The following MAST4 variants were observed in gnomAD, a reference collection of about 807,000 sequenced individuals.
The protein encoded by MAST4 is microtubule associated serine/threonine kinase family member 4.
MAST4 carries 89 observed loss-of-function variants against 162.7 expected under a neutral mutation model. The ratio of observed to expected loss-of-function variants is 0.55; its 90% confidence interval spans 0.46 to 0.65. The LOEUF (loss-of-function observed/expected upper bound fraction) is 0.65. Among genes scored for constraint, MAST4 ranks in the 30% least tolerant of loss-of-function variants. MAST4 has a pLI of 0.00. For missense variants in MAST4, 3,153 were observed against 3,374.0 expected (o/e 0.93, Z 1.62); for synonymous variants, 1,479 against 1,361.1 (o/e 1.09, Z -1.91).
At chr5:66,788,618 G>T in intron 2 of MAST4, 52 bp from the exon 3 acceptor site, 1 of 428,696 alleles carries the variant, frequency 2.3e-6, no homozygotes, top group Non-Finnish European at 4.3e-6. Flanking sequence ...ATTGCAATAA[G>T]ACTACTACCG....
At chr5:67,023,472 T>C (rs1754240401) in intron 4 of MAST4, among the ~76,000 whole-genome samples, 1 of 152,152 alleles carries the variant, frequency 6.6e-6, no homozygotes, top group African/African-American at 2.4e-5. Context: ...TGAACAATGA[T>C]GTCAGTGTTT....
intron 4 of MAST4, among the ~76,000 whole-genome samples, chr5:66,928,473 A>T (rs765916758): frequency 6.6e-6 from 1 of 152,348 alleles, no homozygotes; most frequent in East Asian, 1.9e-4. Context: ...TTTCACGCTC[A>T]ATCCGGGCTT....
intron 11 of MAST4, among the ~76,000 whole-genome samples, chr5:67,111,496 AAC>A (rs1230728712): frequency 6.6e-6 from 1 of 151,994 alleles, no homozygotes; most frequent in Non-Finnish European, 1.5e-5. Flanking sequence ...CATAGAATCA[AAC>A]ACACCATTTG....
At chr5:66,727,336 A>G (rs1751586707) in intron 1 of MAST4, among the ~76,000 whole-genome samples, 1 of 152,068 alleles carries the variant, frequency 6.6e-6, no homozygotes, top group Non-Finnish European at 1.5e-5. Context: ...ATGCTATTCT[A>G]TTTCAGTTTC....
intron 18 of MAST4, among the ~76,000 whole-genome samples, chr5:67,135,557 C>A (rs1466034889): frequency 2.0e-5 from 3 of 152,236 alleles, no homozygotes; most frequent in African/African-American, 7.2e-5. Context: ...GCATTCTTTT[C>A]TATCTTTGAT....
At chr5:67,054,566 T>A in intron 5 of MAST4, 74 bp downstream of exon 5, 1 of 1,300,922 alleles carries the variant, frequency 7.7e-7, no homozygotes, top group Non-Finnish European at 1.1e-6. Context: ...TAATGCATTT[T>A]GATATTTGGT....
intron 1 of MAST4, among the ~76,000 whole-genome samples, chr5:66,678,498 CA>C (rs1276411666): frequency 2.0e-5 from 3 of 148,656 alleles, no homozygotes; most frequent in African/African-American, 7.4e-5. Context: ...ATATCAACTA[CA>C]TTTTTTTTTT....
At chr5:66,790,877 A>AT (rs370926586) in intron 3 of MAST4, among the ~76,000 whole-genome samples, 1,567 of 130,570 alleles carry the variant, frequency 0.012, 31 homozygotes, top group African/African-American at 0.04. Context: ...ACAATTCATG[A>AT]TTTTTTTTTG....
intron 1 of MAST4, among the ~76,000 whole-genome samples, chr5:66,671,630 G>A (rs892122495): frequency 1.3e-4 from 20 of 152,096 alleles, no homozygotes; most frequent in Non-Finnish European, 2.6e-4. Context: ...GCCTTAATGT[G>A]GGAATATGGT....
chr5:67,138,435 G>A (rs1769945106), intron 19 of MAST4, among the ~76,000 whole-genome samples: 1 of 151,768 alleles, frequency 6.6e-6, no homozygotes, highest in Admixed American at 6.6e-5. Context: ...GGGTGGGGTG[G>A]TTTGTTTGTT....
At chr5:66,850,190 C>T (rs994661302) in intron 3 of MAST4, among the ~76,000 whole-genome samples, 2 of 152,050 alleles carry the variant, frequency 1.3e-5, no homozygotes, top group African/African-American at 4.8e-5. Flanking sequence ...AGCTGAAGCC[C>T]GAGGTGCTTT....
intron 1 of MAST4, among the ~76,000 whole-genome samples, chr5:66,682,231 T>A (rs1748378105): frequency 6.6e-6 from 1 of 152,034 alleles, no homozygotes; most frequent in Non-Finnish European, 1.5e-5. Flanking sequence ...TGGATTAGAG[T>A]CCACACCTGG....
chr5:67,164,844 G>A lies in MAST4; in HGVS notation c.5665G>A (p.Val1889Ile). 6.2e-7 allele frequency: 1 copy of A among 1,613,994 alleles called. No homozygotes were observed. Among genetic ancestry groups the A allele is most frequent in the Non-Finnish European group, 8.5e-7 (1 of 1,179,882 alleles). Residue 1889 changes from valine (V) to isoleucine (I), a missense_variant, in exon 29 of 29, where the codon GTT becomes ATT. By Grantham distance (29) the Val-to-Ile change is conservative. Around this residue, in one of 7 missense-constraint regions of MAST4, gnomAD observed 1,644 missense variants for 1,495.0 expected, o/e 1.10. Coordinates refer to ENST00000403625, the MANE Select transcript of MAST4 (RefSeq NM_001164664.2). The surrounding 1 kb of genome is among the most constrained non-coding windows in gnomAD (Gnocchi z 5.3). The part of the protein sequence containing the change: ...PSRGLQNSPA[V>I]SLPDPEFKRD... Reference sequence around the variant, plus strand: ...CCGAGGTCTCCAGAATTCACCAGCAGTTTCCCTGCCTGACCCAGAGTTCAA... The same window carrying A: ...CCGAGGTCTCCAGAATTCACCAGCAATTTCCCTGCCTGACCCAGAGTTCAA...
intron 3 of MAST4, among the ~76,000 whole-genome samples, chr5:66,845,126 T>TATATATAC (rs1358855625): frequency 0.014 from 915 of 66,846 alleles, 14 homozygotes; most frequent in Non-Finnish European, 0.018. Context: ...TATATATATA[T>TATATATAC]ACACACACAC....
chr5:67,157,352 G>A lies in MAST4; in HGVS notation c.3649-3104G>A, dbSNP rs573708926. On this transcript the variant is annotated intron_variant, in intron 26 of 28. Coordinates refer to ENST00000403625, the MANE Select transcript of MAST4 (RefSeq NM_001164664.2). The stretch of plus-strand genomic sequence containing the variant: ...TTTTCCTCTGGAACAGCCACTTGTG[G>A]AGACAAGAAACAGAACTGGGCTTGG... Among the ~76,000 whole-genome samples the A allele has an allele frequency of 2.0e-5, 3 of 152,332 alleles. No homozygotes were observed. In the East Asian group the frequency reaches 5.8e-4, roughly 29 times the overall value.
chr5:66,841,639 G>A (rs1758435252), intron 3 of MAST4, among the ~76,000 whole-genome samples: 1 of 151,950 alleles, frequency 6.6e-6, no homozygotes, highest in South Asian at 2.1e-4. Flanking sequence ...CCATCATGAG[G>A]GCCCCACCTT....
intron 3 of MAST4, among the ~76,000 whole-genome samples, chr5:66,853,689 A>G (rs544847283): frequency 1.3e-5 from 2 of 152,210 alleles, no homozygotes; most frequent in African/African-American, 4.8e-5. Context: ...AAGTTTTTCA[A>G]TTCACTGCTT....
At chr5:66,759,637 T>C (rs1753739589) in intron 1 of MAST4, 72 bp from the exon 2 acceptor site, 2 of 1,526,508 alleles carry the variant, frequency 1.3e-6, no homozygotes, top group Admixed American at 1.8e-5. Context: ...AGAAAAAGTG[T>C]GAATGATTGG....
chr5:66,597,034 G>A lies in MAST4; in HGVS notation c.363+16G>A, dbSNP rs879145813. 1.1e-5 allele frequency: 15 copies of A among 1,415,708 alleles called. No individual in the cohort carries two copies. In the South Asian group the frequency reaches 2.0e-4, roughly 18 times the overall value. 87.7% of individuals were successfully genotyped at this position (1,415,708 alleles called of 1,614,324 possible). On this transcript the variant is annotated intron_variant, in intron 1 of 28. Coordinates refer to ENST00000403625, the MANE Select transcript of MAST4 (RefSeq NM_001164664.2). ...GGACGAGGAGGTGGGCCTTTCCCCA[G>A]CTTGCCCACTCTGGGTTCCGGCAGC... is the stretch of plus-strand genomic sequence containing the variant.
Sources: gnomAD v4.1 joint callset for allele counts (sites outside exome capture counted in the v4.1 genomes callset) on GRCh38, gnomAD v4.1.1 for gene constraint, gnomAD v4.1.1 regional missense constraint, Gnocchi (gnomAD v3.1) non-coding constraint, MANE v1.5 for transcripts, NCBI Gene and HGNC (gene_info 2026-07-23, HGNC 2026-07-21) for gene names.